Variants in ZPLD1 observed in about 807,000 individuals in gnomAD.
The protein encoded by ZPLD1 is zona pellucida like domain containing 1.
In ZPLD1, 34 loss-of-function variants were observed where a neutral mutation model predicts 47.2. That is an observed-to-expected ratio of 0.72 (90% CI 0.55 to 0.96). The LOEUF is 0.96. ZPLD1 is among the 40% of genes least tolerant of loss of function. The probability of loss-of-function intolerance (pLI) is 0.00; values close to 1 mark genes in which losing one functional copy is unlikely to be tolerated. For missense variants in ZPLD1, 512 were observed against 505.8 expected, an observed-to-expected ratio of 1.01 and a Z score of -0.12; for synonymous variants, 176 against 186.2, an observed-to-expected ratio of 0.95 and a Z score of 0.45.
At chr3:102,410,624 T>A (rs1706738651) in intron 7 of ZPLD1, among the ~76,000 whole-genome samples, 2 of 150,948 alleles carry the variant, frequency 1.3e-5, no homozygotes, top group African/African-American at 4.9e-5. Flanking sequence ...AGGTAGTCTT[T>A]CAGCAACCTA....
chr3:102,457,272 G>C (rs191106622), intron 5 of ZPLD1, among the ~76,000 whole-genome samples: 19 of 152,270 alleles, frequency 1.2e-4, no homozygotes, highest in African/African-American at 3.6e-4. Flanking sequence ...AAGGCCTCGA[G>C]TCAAAACAAT....
rs1441921231 is a variant in ZPLD1, at chr3:102,400,124, G to A, written c.-157+7899G>A. Among the ~76,000 whole-genome samples, 5 of 151,944 alleles carry A rather than the reference G, an allele frequency of 3.3e-5. No individual in the cohort carries two copies. In the East Asian group the frequency reaches 5.8e-4, roughly 18 times the overall value. On this transcript the variant is annotated intron_variant, in intron 7 of 17. Transcript: ENST00000491959. ...GTGAGCCACCACGCCTGGCCAGAGAGTTTAATTTTAAAGCATAACTCAGTA... is the reference window on the plus strand; with the variant it reads ...GTGAGCCACCACGCCTGGCCAGAGAATTTAATTTTAAAGCATAACTCAGTA...
intron 6 of ZPLD1, among the ~76,000 whole-genome samples, chr3:102,459,852 C>A (rs777925714): frequency 6.6e-6 from 1 of 151,990 alleles, no homozygotes; most frequent in African/African-American, 2.4e-5. Flanking sequence ...CATTATTAAC[C>A]AAAGTCCATA....
chr3:102,467,135 A>C (rs1049805848), intron 8 of ZPLD1, among the ~76,000 whole-genome samples: 1 of 152,156 alleles, frequency 6.6e-6, no homozygotes, highest in Non-Finnish European at 1.5e-5. Context: ...TCTAAACGAC[A>C]TACGCAATAA....
chr3:102,467,836 TACACACAC>T (rs61096565), intron 8 of ZPLD1, among the ~76,000 whole-genome samples: 79 of 140,982 alleles, frequency 5.6e-4, no homozygotes, highest in African/African-American at 1.2e-3. Flanking sequence ...AATAAAACTG[TACACACAC>T]ACACACACAC....
intron 6 of ZPLD1, 23 bp from the exon 7 acceptor site, chr3:102,462,258 A>G: frequency 6.6e-7 from 1 of 1,507,982 alleles, no homozygotes; most frequent in Non-Finnish European, 9.1e-7. Context: ...GTAATAATAG[A>G]TTTTTTATTG....
intron 7 of ZPLD1, among the ~76,000 whole-genome samples, chr3:102,396,002 G>A (rs1214845132): frequency 6.6e-6 from 1 of 152,134 alleles, no homozygotes; most frequent in Non-Finnish European, 1.5e-5. Context: ...TTTAGAGACA[G>A]ATATTGTCAT....
At chr3:102,424,003 T>C (rs1706911862) in intron 8 of ZPLD1, among the ~76,000 whole-genome samples, 17 of 152,168 alleles carry the variant, frequency 1.1e-4, no homozygotes, top group Admixed American at 1.1e-3. Context: ...TGTGTACCAA[T>C]GCTAATTCAT....
rs1462334856 is a variant in ZPLD1, at chr3:102,464,271, G to A, written c.761+20G>A. 1.9e-6 allele frequency: 3 copies of A among 1,539,294 alleles called. No homozygotes were observed. The South Asian group carries it at 3.4e-5, about 17-fold the overall frequency. ...CCTTAGGTAAGACTTAGCTGTCTAA[G>A]TATTATATTGATACCAATGACCCAG... is the stretch of plus-strand genomic sequence containing the variant. On this transcript the variant is annotated intron_variant, in intron 8 of 11. Transcript: ENST00000466937.
chr3:102,463,062 T>A (rs886757908), intron 7 of ZPLD1, among the ~76,000 whole-genome samples: 3 of 152,226 alleles, frequency 2.0e-5, no homozygotes, highest in African/African-American at 7.2e-5. Context: ...ATTTCTATTC[T>A]TGTATGAGTC....
intron 7 of ZPLD1, among the ~76,000 whole-genome samples, chr3:102,396,653 C>G (rs1166140780): frequency 1.3e-5 from 2 of 152,104 alleles, no homozygotes; most frequent in Non-Finnish European, 2.9e-5. Flanking sequence ...AGATAAGTAA[C>G]TTTTCTGAGA....
At chr3:102,441,244 T>C (rs1707172641) in intron 3 of ZPLD1, among the ~76,000 whole-genome samples, 1 of 152,218 alleles carries the variant, frequency 6.6e-6, no homozygotes, top group South Asian at 2.1e-4. Flanking sequence ...ATGAAATAAC[T>C]ATGACAGGAA....
chr3:102,452,864 AT>A, intron 3 of ZPLD1, 54 bp from the exon 4 acceptor site: 1 of 1,576,204 alleles, frequency 6.3e-7, no homozygotes, highest in Non-Finnish European at 8.7e-7. Context: ...TGTTAATGTT[AT>A]TTATCTTTCT....
intron 3 of ZPLD1, among the ~76,000 whole-genome samples, chr3:102,452,369 G>A (rs1181482610): frequency 2.7e-5 from 4 of 150,130 alleles, no homozygotes; most frequent in African/African-American, 9.8e-5. Context: ...TTTCTCTCTA[G>A]TGTTATTTAA....
chr3:102,408,212 A>G (rs888567723), intron 7 of ZPLD1, among the ~76,000 whole-genome samples: 1 of 151,808 alleles, frequency 6.6e-6, no homozygotes, highest in Admixed American at 6.6e-5. Flanking sequence ...AAGCACAAAA[A>G]ACCTATTACC....
intron 8 of ZPLD1, among the ~76,000 whole-genome samples, chr3:102,423,523 A>G (rs971560275): frequency 1.3e-5 from 2 of 152,014 alleles, no homozygotes; most frequent in African/African-American, 4.8e-5. Flanking sequence ...TTAATCTTAC[A>G]ATTTTATTTT....
rs1707413997 is a variant in ZPLD1, at chr3:102,456,391, T to C, written c.509+17T>C. 8 of 1,606,466 alleles carry C rather than the reference T, an allele frequency of 5.0e-6. No individual in the cohort carries two copies. The highest frequency in any genetic ancestry group is 6.8e-6 in the Non-Finnish European group (8 of 1,176,188). The stretch of plus-strand genomic sequence containing the variant: ...GCTTGCTTCGTAAGTTTGCATTTTA[T>C]TCCTGCTTTCTCATATTGCATTTTT... On this transcript the variant is annotated intron_variant, in intron 5 of 11. Transcript: ENST00000466937.
In ZPLD1 at chr3:102,428,751, A is replaced by G. The variant is rs190777827; in HGVS notation, c.-8-9729A>G. Among the ~76,000 whole-genome samples, 1,249 of 149,222 alleles carry G rather than the reference A, an allele frequency of 8.4e-3. 19 individuals are homozygous for G. Among genetic ancestry groups the G allele is most frequent in the African/African-American group, 0.028 (1,162 of 40,970 alleles). On this transcript the variant is annotated intron_variant, in intron 8 of 17. Transcript: ENST00000491959. Reference sequence around the variant, plus strand: ...ATATGTTATATATATGTGTGTGTGTATATATATATATATGTATATAAAACC... The same window carrying G: ...ATATGTTATATATATGTGTGTGTGTGTATATATATATATGTATATAAAACC...
chr3:102,460,056 C>T (rs1386929889), intron 6 of ZPLD1, among the ~76,000 whole-genome samples: 1 of 151,880 alleles, frequency 6.6e-6, no homozygotes, highest in Admixed American at 6.6e-5. Flanking sequence ...TAGTAATTTA[C>T]CCTAGAAAAA....
Sources: gnomAD v4.1 joint callset for allele counts (sites outside exome capture counted in the v4.1 genomes callset) on GRCh38, gnomAD v4.1.1 for gene constraint, MANE v1.5 for transcripts, NCBI Gene and HGNC (gene_info 2026-07-23, HGNC 2026-07-21) for gene names.